MCTP1: variants seen among roughly 807,000 people sequenced by gnomAD.
The protein encoded by MCTP1 is multiple C2 and transmembrane domain-containing protein 1.
Under a neutral mutation model 120.6 loss-of-function variants are expected in MCTP1, and 69 were observed. The ratio of observed to expected loss-of-function variants is 0.57; its 90% CI spans 0.47 to 0.70. MCTP1 has a LOEUF of 0.70. Ranked by LOEUF, MCTP1 falls within the 30% of genes least tolerant of loss-of-function variation. MCTP1 has a pLI of 0.00. For missense variants in MCTP1, 1,203 were observed against 1,248.8 expected (o/e 0.96, Z 0.55); for synonymous variants, 529 against 493.1 (o/e 1.07, Z -0.96).
At chr5:94,906,440 C>T (rs545443644) in intron 10 of MCTP1, among the ~76,000 whole-genome samples, 93 of 152,084 alleles carry the variant, frequency 6.1e-4, no homozygotes, top group African/African-American at 2.2e-3. Context: ...GAGCCGAGGT[C>T]GCACCACTGC....
At chr5:94,952,264 C>T (rs554650856) in intron 3 of MCTP1, among the ~76,000 whole-genome samples, 6 of 150,896 alleles carry the variant, frequency 4.0e-5, no homozygotes, top group Non-Finnish European at 7.4e-5. Flanking sequence ...TGTCTATTTG[C>T]CCCATAATGA....
intron 1 of MCTP1, among the ~76,000 whole-genome samples, chr5:95,186,261 CAA>C (rs3864263): frequency 9.4e-6 from 1 of 106,288 alleles, no homozygotes. Flanking sequence ...AGGAATCTAC[CAA>C]AAAAAAAAGA....
At chr5:94,894,911 A>G (rs1803577173) in intron 10 of MCTP1, 76 bp from the exon 11 acceptor site, 4 of 850,614 alleles carry the variant, frequency 4.7e-6, no homozygotes, top group Non-Finnish European at 5.3e-6. Context: ...TCAGAGTTCT[A>G]TGAAACATAA....
rs544069999 is a variant in MCTP1 at position 95,029,025 on chromosome 5, G to A, written c.721-11541C>T. Among the ~76,000 whole-genome samples the A allele has an allele frequency of 4.9e-4, 74 of 152,116 alleles. 2 individuals carry two copies. In the Middle Eastern group the frequency reaches 0.014, roughly 28 times the overall value. The stretch of plus-strand genomic sequence containing the variant: ...AATACAAAAATTAGCCAGGTGTGGT[G>A]GTGCGTGCCTGTAATCCCAGGTATA... On this transcript the variant is annotated intron_variant, in intron 1 of 22. Coordinates refer to ENST00000515393, the MANE Select transcript of MCTP1 (RefSeq NM_024717.7).
chr5:94,721,116 T>C (rs894074834), intron 19 of MCTP1, among the ~76,000 whole-genome samples: 1 of 152,178 alleles, frequency 6.6e-6, no homozygotes, highest in Non-Finnish European at 1.5e-5. Flanking sequence ...TTTCAAAATG[T>C]TTCGAAAATG....
intron 17 of MCTP1, among the ~76,000 whole-genome samples, chr5:94,811,289 A>G (rs1050742765): frequency 6.6e-6 from 1 of 152,218 alleles, no homozygotes; most frequent in Non-Finnish European, 1.5e-5. Flanking sequence ...GGAAGCCTAA[A>G]GGTTTGAGCA....
At chr5:94,755,780 A>G (rs1769671724) in intron 19 of MCTP1, among the ~76,000 whole-genome samples, 3 of 152,032 alleles carry the variant, frequency 2.0e-5, no homozygotes, top group Admixed American at 2.0e-4. Context: ...TCTCATACTC[A>G]ACTTCCTCTG....
Position 94,835,441 on chromosome 5 carries a change from C to A in MCTP1, c.2436+32892G>T, listed in dbSNP as rs146828492. Among the ~76,000 whole-genome samples, 341 of 152,282 alleles carry A rather than the reference C, an allele frequency of 2.2e-3. 2 individuals carry two copies. The highest frequency in any genetic ancestry group is 7.6e-3 in the African/African-American group (317 of 41,554). On this transcript the variant is annotated intron_variant, in intron 17 of 22. Coordinates refer to ENST00000515393, the MANE Select transcript of MCTP1 (RefSeq NM_024717.7). ...AAATATAACAGAAAGGAATGAGTTA[C>A]AATAGCCAGGGTGTGATATGGCTCT...
intron 2 of MCTP1, chr5:94,980,717 A>G (rs1829207768): frequency 6.6e-6 from 1 of 152,248 alleles, no homozygotes; most frequent in African/African-American, 2.4e-5. Flanking sequence ...ATTAAAAAAA[A>G]GATACAATAA....
At chr5:94,798,446 C>T (rs1319039513) in intron 18 of MCTP1, among the ~76,000 whole-genome samples, 2 of 152,074 alleles carry the variant, frequency 1.3e-5, no homozygotes, top group Admixed American at 6.5e-5. Flanking sequence ...ATAACTTTCC[C>T]TAGGTTAAAT....
intron 17 of MCTP1, among the ~76,000 whole-genome samples, chr5:94,830,320 C>T (rs967280229): frequency 1.3e-5 from 2 of 152,230 alleles, no homozygotes; most frequent in African/African-American, 2.4e-5. Context: ...CTATCCCTGA[C>T]ATTTGTATTT....
intron 1 of MCTP1, among the ~76,000 whole-genome samples, chr5:95,073,234 C>T (rs1752705900): frequency 6.6e-6 from 1 of 152,120 alleles, no homozygotes; most frequent in Non-Finnish European, 1.5e-5. Context: ...GGAGAGACGG[C>T]GTCCACATTG....
At chr5:94,906,820 T>C (rs1807041988) in intron 10 of MCTP1, among the ~76,000 whole-genome samples, 1 of 152,178 alleles carries the variant, frequency 6.6e-6, no homozygotes, top group Admixed American at 6.5e-5. Flanking sequence ...GAAGGAATAG[T>C]ATTACCCTCC....
intron 1 of MCTP1, among the ~76,000 whole-genome samples, chr5:95,113,775 AG>A (rs980659289): frequency 2.6e-5 from 4 of 152,220 alleles, no homozygotes; most frequent in Non-Finnish European, 5.9e-5. Flanking sequence ...GTAGACTTAA[AG>A]GGCACAGGAC....
chr5:94,871,466 A>T, intron 13 of MCTP1, 49 bp from the exon 14 acceptor site: 1 of 1,309,778 alleles, frequency 7.6e-7, no homozygotes, highest in Non-Finnish European at 1.1e-6. Flanking sequence ...AGTAGGAAAC[A>T]ACAACAAGAA....
At chr5:95,196,825 A>T (rs1157511252) in intron 1 of MCTP1, among the ~76,000 whole-genome samples, 1 of 152,188 alleles carries the variant, frequency 6.6e-6, no homozygotes, top group Non-Finnish European at 1.5e-5. Context: ...AATCACCTAT[A>T]AGGAAGATTT....
chr5:95,116,018 G>T (rs1181872821), intron 1 of MCTP1, among the ~76,000 whole-genome samples: 1 of 151,756 alleles, frequency 6.6e-6, no homozygotes, highest in Non-Finnish European at 1.5e-5. Flanking sequence ...TTTTACTCCA[G>T]AAGAATATGT....
intron 1 of MCTP1, among the ~76,000 whole-genome samples, chr5:95,279,326 T>A (rs2152743851): frequency 6.6e-6 from 1 of 152,350 alleles, no homozygotes; most frequent in Non-Finnish European, 1.5e-5. Flanking sequence ...CAACATAACA[T>A]ATTCATTCTT....
intron 1 of MCTP1, among the ~76,000 whole-genome samples, chr5:95,156,680 G>A (rs1745162790): frequency 6.6e-6 from 1 of 152,134 alleles, no homozygotes; most frequent in South Asian, 2.1e-4. Context: ...TTTCTAATTA[G>A]GTGCCAACTT....
Sources: gnomAD v4.1 joint callset for allele counts (sites outside exome capture counted in the v4.1 genomes callset) on GRCh38, gnomAD v4.1.1 for gene constraint, MANE v1.5 for transcripts, NCBI Gene and HGNC (gene_info 2026-07-23, HGNC 2026-07-21) for gene names.